Variants in TMEM135 observed in about 807,000 individuals in gnomAD.
TMEM135 encodes the protein peroxisomal membrane protein 52.
In TMEM135, 30 loss-of-function variants were observed where a neutral mutation model predicts 60.3. The observed-to-expected ratio is 0.50, with a 90% CI of 0.37 to 0.68. The LOEUF (loss-of-function observed/expected upper bound fraction) is 0.68, where lower values mean the gene tolerates loss of function less well. TMEM135 is among the 30% of genes least tolerant of loss of function. TMEM135 has a pLI of 0.00. For missense variants in TMEM135, 468 were observed against 548.8 expected, an observed-to-expected ratio of 0.85 and a Z score of 1.47; for synonymous variants, 190 against 186.7, an observed-to-expected ratio of 1.02 and a Z score of -0.14.
At chr11:87,263,560 A>G (rs1301420114) in intron 6 of TMEM135, among the ~76,000 whole-genome samples, 3 of 152,158 alleles carry the variant, frequency 2.0e-5, no homozygotes, top group African/African-American at 7.2e-5. Flanking sequence ...AAGTTCAAAA[A>G]TTCATAAACT....
At chr11:87,202,934 G>A (rs1419046767) in intron 5 of TMEM135, among the ~76,000 whole-genome samples, 1 of 149,486 alleles carries the variant, frequency 6.7e-6, no homozygotes, top group Non-Finnish European at 1.5e-5. Context: ...TCGGGAGGCT[G>A]AGGCAGGAGA....
chr11:87,234,220 A>G (rs920281711), intron 5 of TMEM135, among the ~76,000 whole-genome samples: 1 of 151,800 alleles, frequency 6.6e-6, no homozygotes, highest in African/African-American at 2.4e-5. Flanking sequence ...AGTCTTCTGT[A>G]TTTCTTTTTT....
rs1591093432 is a variant in TMEM135 at position 87,194,745 on chromosome 11, G to A, written c.462+37339G>A. On this transcript the variant is annotated intron_variant, in intron 5 of 14. Transcript: ENST00000305494. The stretch of plus-strand genomic sequence containing the variant: ...TCTTTGAAGTCAGTAGTTGCTGTAA[G>A]TATGGAAATAGAGAAGGGAAAACCT... Among the ~76,000 whole-genome samples the A allele has an allele frequency of 2.6e-5, 4 of 151,170 alleles. 1 individual carries two copies. The South Asian group carries it at 8.3e-4, about 31-fold the overall frequency.
At position 87,319,391 on chromosome 11, in the gene TMEM135, T is replaced by C. The variant is rs1381166040; in HGVS notation, c.1244+14T>C. 1.3e-6 allele frequency: 2 copies of C among 1,590,816 alleles called. No homozygotes were observed. The highest frequency in any genetic ancestry group is 8.6e-7 in the Non-Finnish European group (1 of 1,159,200). On this transcript the variant is annotated intron_variant, in intron 14 of 14. Transcript: ENST00000305494. ...CACCAAGGGCAAGTAAGTGACTACGTAGTTTTCTTAAAAATATTATGAGTG... is the reference window on the plus strand; with the variant it reads ...CACCAAGGGCAAGTAAGTGACTACGCAGTTTTCTTAAAAATATTATGAGTG...
At chr11:87,150,278 G>A (rs1395814071) in intron 4 of TMEM135, among the ~76,000 whole-genome samples, 1 of 151,234 alleles carries the variant, frequency 6.6e-6, no homozygotes, top group Non-Finnish European at 1.5e-5. Flanking sequence ...ACAGAAAACA[G>A]TAGTATTCTT....
Position 87,153,515 on chromosome 11 carries a change from T to G in TMEM135, c.397-3826T>G, listed in dbSNP as rs537961513. 5.8e-4 allele frequency among the ~76,000 whole-genome samples: 88 copies of G among 152,338 alleles called. 1 individual carries two copies. The highest frequency in any genetic ancestry group is 2.1e-3 in the African/African-American group (86 of 41,582). Reference sequence around the variant, plus strand: ...ATTCACTTTCTGGTTTCACTTAGTTTCCATTCAAATTATCTTCTCCTAAAA... The same window carrying G: ...ATTCACTTTCTGGTTTCACTTAGTTGCCATTCAAATTATCTTCTCCTAAAA... On this transcript the variant is annotated intron_variant, in intron 4 of 14. Coordinates refer to ENST00000305494, the MANE Select transcript of TMEM135 (RefSeq NM_022918.4).
At chr11:87,276,514 A>G (rs1451154602) in intron 6 of TMEM135, among the ~76,000 whole-genome samples, 1 of 151,688 alleles carries the variant, frequency 6.6e-6, no homozygotes, top group Non-Finnish European at 1.5e-5. Context: ...TTATATATAT[A>G]TATATATACA....
Position 87,327,394 on chromosome 11 carries a change from G to T in TMEM135, c.*6061G>T, listed in dbSNP as rs1035836869. On this transcript the variant is annotated 3_prime_UTR_variant, in exon 15 of 15. Transcript: ENST00000305494. ...CAGGTCAGAAAAATAGAAAGAACCTGCTTCTGTGAGCCACTGAATGGTGCC... is the reference window on the plus strand; with the variant it reads ...CAGGTCAGAAAAATAGAAAGAACCTTCTTCTGTGAGCCACTGAATGGTGCC... The T allele has an allele frequency of 6.6e-6, 3 of 453,932 alleles. No homozygotes were observed. Among genetic ancestry groups the T allele is most frequent in the Non-Finnish European group, 1.3e-5 (3 of 226,796 alleles). The allele number at this position is 453,932 out of a possible 1,614,324, so 28.1% of individuals were successfully genotyped here.
rs536197120 is a variant in TMEM135, at chr11:87,089,577, G to C, written c.363-1785G>C. 2.0e-5 allele frequency among the ~76,000 whole-genome samples: 3 copies of C among 152,050 alleles called. No individual in the cohort carries two copies. In the South Asian group the frequency reaches 6.2e-4, roughly 32 times the overall value. ...AAGAAAAAGAAAAAAAAATTGTCAG[G>C]CTCTCTCACAGAAAGTAAAGAAATA... is the stretch of plus-strand genomic sequence containing the variant. On this transcript the variant is annotated intron_variant, in intron 3 of 14. Coordinates refer to ENST00000305494, the MANE Select transcript of TMEM135 (RefSeq NM_022918.4).
At chr11:87,171,981 G>C (rs950556003) in intron 5 of TMEM135, among the ~76,000 whole-genome samples, 4 of 152,140 alleles carry the variant, frequency 2.6e-5, no homozygotes, top group African/African-American at 9.7e-5. Flanking sequence ...CTCACCTCCT[G>C]TTGTGCGGCC....
chr11:87,086,582 T>C (rs1857101188), intron 3 of TMEM135, among the ~76,000 whole-genome samples: 1 of 151,446 alleles, frequency 6.6e-6, no homozygotes, highest in Non-Finnish European at 1.5e-5. Context: ...AGTGTGCCTG[T>C]GTCTGGGGCT....
At chr11:87,212,828 A>C (rs1356277257) in intron 5 of TMEM135, among the ~76,000 whole-genome samples, 1 of 115,380 alleles carries the variant, frequency 8.7e-6, no homozygotes, top group East Asian at 2.2e-4. Context: ...ATTTTGGAAA[A>C]AAAAAAAAAA....
intron 13 of TMEM135, among the ~76,000 whole-genome samples, chr11:87,318,790 C>G (rs529177635): frequency 1.3e-5 from 2 of 151,890 alleles, no homozygotes; most frequent in Admixed American, 6.6e-5. Flanking sequence ...CTCATTAAAA[C>G]TAATGAAGTA....
intron 1 of TMEM135, among the ~76,000 whole-genome samples, chr11:87,054,309 C>A (rs901802746): frequency 6.6e-6 from 1 of 152,092 alleles, no homozygotes; most frequent in East Asian, 1.9e-4. Context: ...GTGGCGTGTG[C>A]CTGTAATCCC....
intron 4 of TMEM135, among the ~76,000 whole-genome samples, chr11:87,108,662 G>C (rs1336420067): frequency 1.3e-5 from 2 of 151,662 alleles, no homozygotes; most frequent in Admixed American, 6.6e-5. Flanking sequence ...TTTCTTTTTT[G>C]ACCTAGGCGT....
In TMEM135 at chr11:87,171,651, T is replaced by C. The variant is rs182922475; in HGVS notation, c.462+14245T>C. On this transcript the variant is annotated intron_variant, in intron 5 of 14. Transcript: ENST00000305494. ...TTTATACTTCAGAAAATGAGCTGAT[T>C]AGATGATCTTTAAGGTCCTATATGG... is the stretch of plus-strand genomic sequence containing the variant. 3.8e-3 allele frequency among the ~76,000 whole-genome samples: 577 copies of C among 152,174 alleles called. 2 individuals are homozygous for C. The highest frequency in any genetic ancestry group is 6.3e-3 in the Non-Finnish European group (430 of 68,030).
intron 6 of TMEM135, among the ~76,000 whole-genome samples, chr11:87,257,819 T>C (rs1202724100): frequency 1.3e-5 from 2 of 152,028 alleles, no homozygotes; most frequent in African/African-American, 2.4e-5. Flanking sequence ...AGTCTGAATA[T>C]ACCAGAAACC....
At position 87,132,676 on chromosome 11, in the gene TMEM135, C is replaced by T. The variant is rs564290010; in HGVS notation, c.397-24665C>T. On this transcript the variant is annotated intron_variant, in intron 4 of 14. Coordinates refer to ENST00000305494, the MANE Select transcript of TMEM135 (RefSeq NM_022918.4). ...GCTAACTACAATTATTAGTGTTTAA[C>T]AACAACTTTATTGAAGTTTATTTAA... Among the ~76,000 whole-genome samples the T allele has an allele frequency of 1.6e-4, 11 of 69,610 alleles. No individual in the cohort carries two copies. The South Asian group carries it at 2.3e-3, about 14-fold the overall frequency. 45.7% of individuals were successfully genotyped at this position (69,610 alleles called of 152,430 possible). A position where few individuals can be genotyped will look rare whatever the true frequency, so the allele number is the denominator to read the frequency against.
intron 4 of TMEM135, among the ~76,000 whole-genome samples, chr11:87,108,966 CATT>C (rs1857671528): frequency 6.6e-6 from 1 of 151,736 alleles, no homozygotes; most frequent in Non-Finnish European, 1.5e-5. Flanking sequence ...ATGTCAAAAT[CATT>C]ATGAGTGAAA....
Sources: gnomAD v4.1 joint callset for allele counts (sites outside exome capture counted in the v4.1 genomes callset) on GRCh38, gnomAD v4.1.1 for gene constraint, MANE v1.5 for transcripts, NCBI Gene and HGNC (gene_info 2026-07-23, HGNC 2026-07-21) for gene names.